CAPN8: variants seen among roughly 807,000 people sequenced by gnomAD.
CAPN8 encodes calpain-8.
A neutral mutation model predicts 80.9 loss-of-function variants in CAPN8; 87 were observed. The ratio of observed to expected loss-of-function variants is 1.07; its 90% CI spans 0.90 to 1.28. CAPN8 has a LOEUF of 1.28. Among genes scored for constraint, CAPN8 ranks in the 50% most tolerant of loss-of-function variants. CAPN8 has a pLI of 0.00. For synonymous variants in CAPN8, 299 were observed against 273.8 expected (o/e 1.09, Z -0.91); for missense variants, 757 against 702.0 (o/e 1.08, Z -0.89).
intron 10 of CAPN8, 113 bp downstream of exon 10, chr1:223,615,857 T>G (rs1293147621): frequency 7.4e-7 from 1 of 1,343,532 alleles, no homozygotes; most frequent in Non-Finnish European, 1.0e-6. Context: ...GCAAGGACGC[T>G]TCTCGATTAG....
intron 20 of CAPN8, among the ~76,000 whole-genome samples, chr1:223,542,788 C>T (rs1656504264): frequency 6.6e-6 from 1 of 152,166 alleles, no homozygotes; most frequent in South Asian, 2.1e-4. Context: ...CCATATAAGA[C>T]AGCTGGTCCT....
intron 2 of CAPN8, among the ~76,000 whole-genome samples, chr1:223,653,568 G>A (rs1327704921): frequency 2.0e-5 from 3 of 152,092 alleles, no homozygotes; most frequent in African/African-American, 4.8e-5. Flanking sequence ...TTCCGGTTCT[G>A]TATTTTGCAG....
chr1:223,611,220 T>C (rs1335519191), intron 11 of CAPN8, among the ~76,000 whole-genome samples: 1 of 152,124 alleles, frequency 6.6e-6, no homozygotes, highest in Non-Finnish European at 1.5e-5. Flanking sequence ...AGGTAGGAGG[T>C]AGGACTCAAC....
In CAPN8 at chr1:223,541,856, G is replaced by C. The variant is rs903126450; in HGVS notation, c.2092C>G (p.Leu698Val). The change falls in exon 21 of 21, where the codon CTG (leucine) becomes GTG (valine). Residue 698 changes from leucine to valine, a missense_variant. Coordinates refer to ENST00000366872, the MANE Select transcript of CAPN8 (RefSeq NM_001143962.2). ...CCGGGTCAGACCAACACGCAGCACA[G>C]CCACTGCAAAGGAAAGGGACAAGAT... The part of the protein sequence containing the change: ...GMVQLSLAEW[L>V]CCVLV The C allele has an allele frequency of 3.9e-6, 6 of 1,546,556 alleles. No individual in the cohort carries two copies. In the African/African-American group the frequency reaches 8.5e-5, roughly 22 times the overall value.
chr1:223,628,154 G>A lies in CAPN8; in HGVS notation c.427-12C>T, dbSNP rs1657655189. On this transcript the variant is annotated splice_polypyrimidine_tract_variant and intron_variant, in intron 3 of 20. Coordinates refer to ENST00000366872, the MANE Select transcript of CAPN8 (RefSeq NM_001143962.2). ...CCGTACTGCCAGAACTGGGGAGGGGGGACACAGCGGCTGCTCACATGAATA... is the reference window on the plus strand; with the variant it reads ...CCGTACTGCCAGAACTGGGGAGGGGAGACACAGCGGCTGCTCACATGAATA... The A allele has an allele frequency of 6.5e-7, 1 of 1,536,776 alleles. No homozygotes were observed. The highest frequency in any genetic ancestry group is 8.8e-7 in the Non-Finnish European group (1 of 1,138,302).
chr1:223,618,211 T>C (rs1217349169), intron 9 of CAPN8: 1 of 1,549,982 alleles, frequency 6.5e-7, no homozygotes, highest in Non-Finnish European at 8.7e-7. Flanking sequence ...CATTTCTCCT[T>C]AGAGATGTGG....
At chr1:223,545,087 T>G (rs768489917) in intron 17 of CAPN8, 144 bp downstream of exon 17, 3 of 1,438,604 alleles carry the variant, frequency 2.1e-6, no homozygotes, top group Non-Finnish European at 2.8e-6. Flanking sequence ...TCTCATTGCC[T>G]TCTTGTTCCT....
intron 1 of CAPN8, among the ~76,000 whole-genome samples, chr1:223,664,242 G>T (rs1230888783): frequency 3.9e-5 from 6 of 152,098 alleles, no homozygotes; most frequent in African/African-American, 1.4e-4. Context: ...CAGAGCCCCA[G>T]CTCCCACCTC....
intron 2 of CAPN8, chr1:223,644,244 G>A (rs1038157328): frequency 6.1e-5 from 21 of 343,164 alleles, no homozygotes; most frequent in Admixed American, 1.7e-4. Flanking sequence ...CAAAACCAAT[G>A]ATACAGCCTT....
chr1:223,620,059 A>C (rs976699386), intron 8 of CAPN8, 133 bp downstream of exon 8: 1 of 761,814 alleles, frequency 1.3e-6, no homozygotes, highest in Admixed American at 2.2e-5. Context: ...CCAGGACAAA[A>C]GGAGAAGAAT....
At chr1:223,627,823 C>A (rs1419368993) in intron 4 of CAPN8, among the ~76,000 whole-genome samples, 186 bp downstream of exon 4, 1 of 152,188 alleles carries the variant, frequency 6.6e-6, no homozygotes, top group African/African-American at 2.4e-5. Flanking sequence ...ATGCTAAACT[C>A]CCCGCCCAGA....
chr1:223,664,073 T>A (rs4653871), intron 1 of CAPN8, among the ~76,000 whole-genome samples: 30 of 152,340 alleles, frequency 2.0e-4, no homozygotes, highest in Admixed American at 2.0e-3. Flanking sequence ...CCACTCTGTA[T>A]GGGAGAGGTT....
intron 11 of CAPN8, among the ~76,000 whole-genome samples, chr1:223,609,967 C>A (rs1352774544): frequency 1.3e-5 from 2 of 152,222 alleles, no homozygotes; most frequent in Non-Finnish European, 2.9e-5. Context: ...CCTCGACTCT[C>A]CTCAACAGGC....
In CAPN8 at chr1:223,620,260, T is replaced by C; in HGVS notation, c.906A>G (p.Pro302=). 1 of 1,551,508 alleles carries C rather than the reference T, an allele frequency of 6.4e-7. No homozygotes were observed. Among genetic ancestry groups the C allele is most frequent in the Non-Finnish European group, 8.7e-7 (1 of 1,146,844 alleles). Residue 302 remains proline (P), a synonymous_variant, in exon 8 of 21, where the codon CCA becomes CCG. Transcript: ENST00000366872. Reference sequence around the variant, plus strand: ...GCCGGGGGTCTATGTGATTCCACTCTGGTGCACTGAGGGGAAAACAAGCAG... The same window carrying C: ...GCCGGGGGTCTATGTGATTCCACTCCGGTGCACTGAGGGGAAAACAAGCAG... The part of the protein sequence containing the change: ...EWSGAWSDDA[P]EWNHIDPRRK...
chr1:223,618,130 C>G, intron 9 of CAPN8: 3 of 1,217,934 alleles, frequency 2.5e-6, no homozygotes, highest in Non-Finnish European at 3.5e-6. Context: ...ATCAACAGAT[C>G]AACAGCAAAC....
At chr1:223,643,526 G>A (rs920853379) in intron 2 of CAPN8, among the ~76,000 whole-genome samples, 1 of 152,236 alleles carries the variant, frequency 6.6e-6, no homozygotes, top group Non-Finnish European at 1.5e-5. Context: ...AATATCCTGA[G>A]TACAATGCCC....
intron 2 of CAPN8, 109 bp downstream of exon 2, chr1:223,654,221 A>C: frequency 3.4e-6 from 3 of 893,000 alleles, no homozygotes; most frequent in Non-Finnish European, 5.3e-6. Flanking sequence ...CGGACACATC[A>C]GGTACCTAAT....
At chr1:223,626,465 G>A (rs61825187) in intron 5 of CAPN8, among the ~76,000 whole-genome samples, 56,637 of 151,988 alleles carry the variant, frequency 0.37, 10,730 homozygotes, top group Non-Finnish European at 0.4. Flanking sequence ...ACAGGAGCCC[G>A]AGGTGGTGAC....
chr1:223,612,170 G>A (rs1005864128), intron 11 of CAPN8, 76 bp downstream of exon 11: 44 of 1,181,428 alleles, frequency 3.7e-5, no homozygotes, highest in African/African-American at 2.1e-4. Context: ...GGAAACAGAC[G>A]CTGCTGGCTG....
Sources: gnomAD v4.1 joint callset for allele counts (sites outside exome capture counted in the v4.1 genomes callset) on GRCh38, gnomAD v4.1.1 for gene constraint, MANE v1.5 for transcripts, NCBI Gene and HGNC (gene_info 2026-07-23, HGNC 2026-07-21) for gene names.